The following DENND2A variants were observed in gnomAD, a reference collection of about 807,000 sequenced individuals.
The protein encoded by DENND2A is DENN domain containing 2A.
A neutral mutation model predicts 105.3 loss-of-function variants in DENND2A; 53 were observed. The ratio of observed to expected loss-of-function variants is 0.50; its 90% CI spans 0.40 to 0.63. DENND2A has a LOEUF of 0.63. Ranked by LOEUF, DENND2A falls within the 30% of genes least tolerant of loss-of-function variation. The probability of loss-of-function intolerance (pLI) is 0.00; values close to 1 mark genes in which losing one functional copy is unlikely to be tolerated. For missense variants in DENND2A, 1,138 were observed against 1,279.6 expected (o/e 0.89, Z 1.69); for synonymous variants, 522 against 508.4 (o/e 1.03, Z -0.36).
intron 9 of DENND2A, among the ~76,000 whole-genome samples, chr7:140,565,067 T>C (rs946612399): frequency 1.3e-5 from 2 of 152,196 alleles, no homozygotes; most frequent in Admixed American, 6.5e-5. Flanking sequence ...ACATAATTGC[T>C]ATCCTAAACT....
In DENND2A at chr7:140,568,745, A is replaced by G. The variant is rs1797972228; in HGVS notation, c.1591+18T>C. On this transcript the variant is annotated intron_variant, in intron 8 of 19. Transcript: ENST00000496613. ...CAAGTCACCTGCCTGAGTCCTGCAC[A>G]GTAGTGGCTCTCCTCACCTTTCAGC... 1 of 1,613,990 alleles carries G rather than the reference A, an allele frequency of 6.2e-7. No homozygotes were observed. The highest frequency in any genetic ancestry group is 8.5e-7 in the Non-Finnish European group (1 of 1,179,878).
chr7:140,528,364 G>T (rs1796137434), intron 14 of DENND2A, among the ~76,000 whole-genome samples: 1 of 152,222 alleles, frequency 6.6e-6, no homozygotes, highest in Non-Finnish European at 1.5e-5. Context: ...GAAAAGGACA[G>T]AAAACTCCTT....
At chr7:140,624,026 G>A (rs1800406376) in intron 1 of DENND2A, among the ~76,000 whole-genome samples, 1 of 152,250 alleles carries the variant, frequency 6.6e-6, no homozygotes, top group Non-Finnish European at 1.5e-5. Context: ...AGGGCCATAT[G>A]TGAGTGAAAA....
chr7:140,623,852 A>C (rs1250609494), intron 1 of DENND2A, among the ~76,000 whole-genome samples: 2 of 152,098 alleles, frequency 1.3e-5, no homozygotes, highest in African/African-American at 4.8e-5. Flanking sequence ...TTCCAATAAA[A>C]CCCTACTGAA....
Position 140,602,175 on chromosome 7 carries a change from G to T in DENND2A, c.223C>A (p.Leu75Met). ...CTCCTCTCCACCGTAGAGGACGGCAGATAATCCTCCTGTCCGTCTGCTCTC... is the reference window on the plus strand; with the variant it reads ...CTCCTCTCCACCGTAGAGGACGGCATATAATCCTCCTGTCCGTCTGCTCTC... ...SRRADGQEDYLPSSTVERRSS... is the reference protein window; with the variant it reads ...SRRADGQEDYMPSSTVERRSS... Residue 75 changes from leucine (L) to methionine (M), a missense_variant, in exon 3 of 20, where the codon CTG becomes ATG. This residue lies in a region of DENND2A where 511 missense variants were observed against 499.9 expected (regional missense o/e 1.02). Coordinates refer to ENST00000496613, the MANE Select transcript of DENND2A (RefSeq NM_015689.5). 1 of 1,614,196 alleles carries T rather than the reference G, an allele frequency of 6.2e-7. No homozygotes were observed. The highest frequency in any genetic ancestry group is 8.5e-7 in the Non-Finnish European group (1 of 1,180,042).
chr7:140,628,536 CTTTTTTTTTTT>C (rs987018660), intron 1 of DENND2A, among the ~76,000 whole-genome samples: 28 of 116,138 alleles, frequency 2.4e-4, no homozygotes, highest in African/African-American at 7.6e-4. Context: ...AAATTTCTTT[CTTTTTTTTTTT>C]TTTTTTTTTT....
chr7:140,539,164 C>A (rs1475196617), intron 14 of DENND2A, among the ~76,000 whole-genome samples: 2 of 152,260 alleles, frequency 1.3e-5, no homozygotes, highest in African/African-American at 4.8e-5. Flanking sequence ...CAACTTGCAG[C>A]CAACCATTGG....
intron 3 of DENND2A, 82 bp downstream of exon 3, chr7:140,601,321 C>T (rs1799474130): frequency 6.7e-7 from 1 of 1,495,898 alleles, no homozygotes; most frequent in African/African-American, 1.4e-5. Context: ...AATAATTCAG[C>T]TGAGAACAGA....
intron 14 of DENND2A, among the ~76,000 whole-genome samples, chr7:140,543,232 C>T (rs1335913969): frequency 6.6e-6 from 1 of 151,324 alleles, no homozygotes; most frequent in Non-Finnish European, 1.5e-5. Context: ...GATCTTCCTA[C>T]CTCAGCTTCC....
At position 140,554,223 on chromosome 7, in the gene DENND2A, T is replaced by G. The variant is rs561789349; in HGVS notation, c.2037+1413A>C. On this transcript the variant is annotated intron_variant, in intron 12 of 19. Coordinates refer to ENST00000496613, the MANE Select transcript of DENND2A (RefSeq NM_015689.5). ...CCTGGCGACAGAACGAGACTCCGTC[T>G]CAAAAAAAAAAAATGCTTTTAGGGA... is the stretch of plus-strand genomic sequence containing the variant. Among the ~76,000 whole-genome samples, 16 of 147,930 alleles carry G rather than the reference T, an allele frequency of 1.1e-4. No homozygotes were observed. The South Asian group carries it at 1.9e-3, about 18-fold the overall frequency.
At chr7:140,634,177 T>A (rs1488938058) in intron 1 of DENND2A, among the ~76,000 whole-genome samples, 1 of 151,760 alleles carries the variant, frequency 6.6e-6, no homozygotes. Context: ...TTTTTGTATT[T>A]TTAGTAGAGA....
At chr7:140,576,027 G>GATATATAT (rs202205552) in intron 5 of DENND2A, among the ~76,000 whole-genome samples, 93 of 147,686 alleles carry the variant, frequency 6.3e-4, no homozygotes, top group African/African-American at 2.0e-3. Context: ...GGTTCTTTCA[G>GATATATAT]ATATATATAT....
chr7:140,561,818 A>T (rs1797631263), intron 9 of DENND2A, among the ~76,000 whole-genome samples: 1 of 151,522 alleles, frequency 6.6e-6, no homozygotes, highest in Admixed American at 6.6e-5. Context: ...TTTGGCCCTA[A>T]CCTAAATTTT....
Position 140,527,587 on chromosome 7 carries a change from A to T in DENND2A, c.2328-92T>A. 1 of 1,342,088 alleles carries T rather than the reference A, an allele frequency of 7.5e-7. No homozygotes were observed. Among genetic ancestry groups the T allele is most frequent in the Non-Finnish European group, 1.0e-6 (1 of 995,598 alleles). The allele number at this position is 1,342,088 out of a possible 1,614,324, so 83.1% of individuals were successfully genotyped here. A position where few individuals can be genotyped will look rare whatever the true frequency, so the allele number is the denominator to read the frequency against. The stretch of plus-strand genomic sequence containing the variant: ...GAAGGCTCCTCCCAGAGACAGGATG[A>T]CTAGGAAAGGACACACGTGGATGTG... On this transcript the variant is annotated intron_variant, in intron 14 of 19. Transcript: ENST00000496613. This position sits in a 1 kb window ranked among gnomAD's most constrained non-coding sequence, Gnocchi z 4.9.
intron 13 of DENND2A, 33 bp from the exon 14 acceptor site, chr7:140,544,799 G>A: frequency 6.4e-7 from 1 of 1,554,634 alleles, no homozygotes; most frequent in Non-Finnish European, 8.7e-7. Flanking sequence ...ATGAAGGAGG[G>A]GCCCAGCTAC....
intron 1 of DENND2A, among the ~76,000 whole-genome samples, chr7:140,631,499 G>T (rs369738629): frequency 1.1e-4 from 16 of 152,222 alleles, no homozygotes; most frequent in African/African-American, 3.9e-4. Context: ...GCTCTCTGTG[G>T]TGCTGGAATC....
In DENND2A at chr7:140,602,135, A is replaced by G. The variant is rs1799535832; in HGVS notation, c.263T>C (p.Val88Ala). The part of the protein sequence containing the change: ...STVERRSSDG[V>A]RTQVTEAKNG... ...CTTAGCCTCTGTGACCTGAGTTCTC[A>G]CCCCATCACTACTCCTCCTCTCCAC... The change falls in exon 3 of 20, where the codon GTG becomes GCG. Residue 88 changes from valine to alanine, a missense_variant. By Grantham distance (64) the Val-to-Ala change is moderately conservative (BLOSUM62 0). Coordinates refer to ENST00000496613, the MANE Select transcript of DENND2A (RefSeq NM_015689.5). 5.0e-6 allele frequency: 8 copies of G among 1,613,152 alleles called. No homozygotes were observed. The highest frequency in any genetic ancestry group is 6.8e-6 in the Non-Finnish European group (8 of 1,179,864).
intron 9 of DENND2A, among the ~76,000 whole-genome samples, chr7:140,561,383 T>C (rs1797605475): frequency 6.6e-6 from 1 of 152,232 alleles, no homozygotes; most frequent in African/African-American, 2.4e-5. Context: ...TACATCATGC[T>C]AAGGTTATCT....
chr7:140,573,735 G>T, intron 6 of DENND2A, 73 bp downstream of exon 6: 1 of 1,518,116 alleles, frequency 6.6e-7, no homozygotes, highest in South Asian at 1.2e-5. Flanking sequence ...TCTCCACCCA[G>T]ACCCCTCTGC....
Sources: gnomAD v4.1 joint callset for allele counts (sites outside exome capture counted in the v4.1 genomes callset) on GRCh38, gnomAD v4.1.1 for gene constraint, gnomAD v4.1.1 regional missense constraint, Gnocchi (gnomAD v3.1) non-coding constraint, MANE v1.5 for transcripts, NCBI Gene and HGNC (gene_info 2026-07-23, HGNC 2026-07-21) for gene names.